CEMIP2: variants seen among roughly 807,000 people sequenced by gnomAD.
The protein encoded by CEMIP2 is cell migration inducing hyaluronidase 2.
In CEMIP2, 79 loss-of-function variants were observed where a neutral mutation model predicts 146.9. That is an observed-to-expected ratio of 0.54 (90% CI 0.45 to 0.65). CEMIP2 has a LOEUF of 0.65. CEMIP2 is among the 30% of genes least tolerant of loss of function. The pLI, the probability that CEMIP2 is intolerant of heterozygous loss-of-function variation, is 0.00. For synonymous variants in CEMIP2, 601 were observed against 606.3 expected (o/e 0.99, Z 0.13); for missense variants, 1,596 against 1,696.2 (o/e 0.94, Z 1.04).
intron 2 of CEMIP2, among the ~76,000 whole-genome samples, chr9:71,748,104 C>T (rs889294796): frequency 2.0e-5 from 3 of 152,128 alleles, no homozygotes; most frequent in African/African-American, 7.2e-5. Flanking sequence ...GCACTGTACC[C>T]AGCTATAAAG....
chr9:71,740,926 A>T lies in CEMIP2; in HGVS notation c.1035-694T>A, dbSNP rs538819403. On this transcript the variant is annotated intron_variant, in intron 4 of 23. Transcript: ENST00000377044. ...ATTAGATTGCTGGCCCCACTCTCTCAGTTTCTGAGATGGGACCAGAGAATT... is the reference window on the plus strand; with the variant it reads ...ATTAGATTGCTGGCCCCACTCTCTCTGTTTCTGAGATGGGACCAGAGAATT... Among the ~76,000 whole-genome samples, 16 of 152,262 alleles carry T rather than the reference A, an allele frequency of 1.1e-4. No homozygotes were observed. The South Asian group carries it at 2.9e-3, about 28-fold the overall frequency.
At chr9:71,762,779 G>A (rs1824675288) in intron 1 of CEMIP2, among the ~76,000 whole-genome samples, 1 of 152,160 alleles carries the variant, frequency 6.6e-6, no homozygotes, top group Non-Finnish European at 1.5e-5. Flanking sequence ...AGGAGACTGA[G>A]GTGGGAGGAT....
chr9:71,735,018 A>C (rs1564016868), intron 5 of CEMIP2, 24 bp from the exon 6 acceptor site: 15 of 1,571,410 alleles, frequency 9.5e-6, no homozygotes, highest in Non-Finnish European at 1.3e-5. Context: ...AAAAAAAAGA[A>C]AAAGAAAGTG....
chr9:71,701,914 C>CT (rs1299675320), intron 18 of CEMIP2, among the ~76,000 whole-genome samples: 2 of 152,110 alleles, frequency 1.3e-5, no homozygotes, highest in Non-Finnish European at 2.9e-5. Flanking sequence ...ATTTCCCAAA[C>CT]TTTTTTGTCA....
In CEMIP2 at chr9:71,702,261, G is replaced by GA. The variant is rs67059194; in HGVS notation, c.3195-1438dup. ...CAACAGAGCAAGATGTTGTCTCAAG[G>GA]AAAAAAAAAAAAAAAAAAATATTGT... On this transcript the variant is annotated intron_variant, in intron 18 of 23. Coordinates refer to ENST00000377044, the MANE Select transcript of CEMIP2 (RefSeq NM_013390.3). 7.8e-3 allele frequency among the ~76,000 whole-genome samples: 829 copies of GA among 106,144 alleles called. 1 individual carries two copies. The highest frequency in any genetic ancestry group is 0.032 in the Middle Eastern group (6 of 190). 69.6% of individuals were successfully genotyped at this position (106,144 alleles called of 152,430 possible). A position where few individuals can be genotyped will look rare whatever the true frequency, so the allele number is the denominator to read the frequency against.
chr9:71,737,153 C>A, intron 5 of CEMIP2, among the ~76,000 whole-genome samples: 1 of 77,338 alleles, frequency 1.3e-5, no homozygotes, highest in African/African-American at 4.2e-5. Flanking sequence ...TAAGATCTTT[C>A]TCAAAAAAAA....
intron 10 of CEMIP2, among the ~76,000 whole-genome samples, chr9:71,727,789 G>A (rs1028144291): frequency 6.6e-6 from 1 of 152,138 alleles, no homozygotes; most frequent in Non-Finnish European, 1.5e-5. Context: ...GGATGGGTAC[G>A]GTGGCTCATG....
chr9:71,720,516 T>A (rs1294716108), intron 12 of CEMIP2, among the ~76,000 whole-genome samples: 1 of 152,194 alleles, frequency 6.6e-6, no homozygotes, highest in Admixed American at 6.5e-5. Flanking sequence ...GGTCTTGAAC[T>A]CCTGATCTCA....
chr9:71,708,515 C>G (rs1373464776), intron 17 of CEMIP2, among the ~76,000 whole-genome samples: 1 of 152,180 alleles, frequency 6.6e-6, no homozygotes, highest in Non-Finnish European at 1.5e-5. Flanking sequence ...AGTTAATTAA[C>G]TTTTCCAATG....
intron 4 of CEMIP2, among the ~76,000 whole-genome samples, chr9:71,744,209 T>C (rs748696666): frequency 6.6e-6 from 1 of 152,064 alleles, no homozygotes; most frequent in Non-Finnish European, 1.5e-5. Context: ...CCCCCTCAAC[T>C]ACAAAAAGTT....
chr9:71,685,398 A>AAC lies in CEMIP2; in HGVS notation c.3956-6_3956-5insGT. On this transcript the variant is annotated splice_region_variant and splice_polypyrimidine_tract_variant and intron_variant, in intron 23 of 23. Coordinates refer to ENST00000377044, the MANE Select transcript of CEMIP2 (RefSeq NM_013390.3). ...ATCCCAAAAATATGGTACTCCCTAA[A>AAC]AAAAAAAAAAAAAAAGAAAAAGAAA... 1 of 1,397,606 alleles carries AAC rather than the reference A, an allele frequency of 7.2e-7. No individual in the cohort carries two copies. Among genetic ancestry groups the AAC allele is most frequent in the Non-Finnish European group, 9.6e-7 (1 of 1,045,492 alleles). The allele number at this position is 1,397,606 out of a possible 1,614,324, so 86.6% of individuals were successfully genotyped here.
At position 71,712,202 on chromosome 9, in the gene CEMIP2, T is replaced by C. The variant is rs1350018506; in HGVS notation, c.2650A>G (p.Thr884Ala). The C allele has an allele frequency of 6.2e-7, 1 of 1,614,200 alleles. No homozygotes were observed. The highest frequency in any genetic ancestry group is 1.7e-5 in the Admixed American group (1 of 60,030). The change falls in exon 16 of 24, where the codon ACT (threonine) becomes GCT (alanine). Residue 884 changes from threonine to alanine, a missense_variant. Physicochemically the swap from Thr to Ala is moderately conservative, Grantham distance 58. Transcript: ENST00000377044. ...GGAGTTGGCACATATTTTTTGAAAG[T>C]GCTCCTTGTGAGATGAATGGGCCCA... ...YDGPIHLTRS[T>A]FKKYVPTPDR...
In CEMIP2 at chr9:71,709,873, T is replaced by A. The variant is rs1395242424; in HGVS notation, c.2770-399A>T. The stretch of plus-strand genomic sequence containing the variant: ...AAAATTATAAACTGTACATGTAAGA[T>A]CTGTGCATTTCCCTACATGTAAATT... On this transcript the variant is annotated intron_variant, in intron 16 of 23. Transcript: ENST00000377044. 2.6e-5 allele frequency among the ~76,000 whole-genome samples: 4 copies of A among 152,312 alleles called. No individual in the cohort carries two copies. In the East Asian group the frequency reaches 7.7e-4, roughly 29 times the overall value.
At chr9:71,737,089 A>G (rs1338167111) in intron 5 of CEMIP2, among the ~76,000 whole-genome samples, 1 of 150,670 alleles carries the variant, frequency 6.6e-6, no homozygotes, top group Non-Finnish European at 1.5e-5. Context: ...CCAGGAGGTC[A>G]AGGCTGCAGT....
chr9:71,739,400 C>CTT (rs544885586), intron 5 of CEMIP2, among the ~76,000 whole-genome samples: 8,421 of 98,074 alleles, frequency 0.086, 414 homozygotes, highest in South Asian at 0.23. Context: ...AAGATGACTA[C>CTT]TTTTTTTTTA....
chr9:71,719,725 C>G (rs145201582), intron 12 of CEMIP2, among the ~76,000 whole-genome samples: 1 of 149,634 alleles, frequency 6.7e-6, no homozygotes, highest in African/African-American at 2.4e-5. Context: ...AAGTTTGACT[C>G]TAAGCCAACA....
intron 10 of CEMIP2, 72 bp from the exon 11 acceptor site, chr9:71,725,781 A>C: frequency 6.8e-7 from 1 of 1,476,480 alleles, no homozygotes; most frequent in South Asian, 1.4e-5. Flanking sequence ...TCATAAACTA[A>C]CTTCTTCATC....
At position 71,732,358 on chromosome 9, in the gene CEMIP2, T is replaced by G; in HGVS notation, c.1556A>C (p.His519Pro). 1 of 1,607,834 alleles carries G rather than the reference T, an allele frequency of 6.2e-7. No homozygotes were observed. The highest frequency in any genetic ancestry group is 8.5e-7 in the Non-Finnish European group (1 of 1,178,186). Residue 519 changes from histidine to proline, a missense_variant, in exon 7 of 24, where the codon CAC becomes CCC. Coordinates refer to ENST00000377044, the MANE Select transcript of CEMIP2 (RefSeq NM_013390.3). The part of the protein sequence containing the change: ...QFFDYDTFGG[H>P]IMIMKNFTSV... ...TCAAATCCTTTTGCCTACCATAATG[T>G]GTCCCCCAAAGGTATCATAATCAAA...
intron 17 of CEMIP2, among the ~76,000 whole-genome samples, chr9:71,708,153 T>C (rs927099910): frequency 6.6e-6 from 1 of 152,146 alleles, no homozygotes; most frequent in African/African-American, 2.4e-5. Context: ...GCCACTGCAC[T>C]CCAGCCTGGG....
Sources: gnomAD v4.1 joint callset for allele counts (sites outside exome capture counted in the v4.1 genomes callset) on GRCh38, gnomAD v4.1.1 for gene constraint, MANE v1.5 for transcripts, NCBI Gene and HGNC (gene_info 2026-07-23, HGNC 2026-07-21) for gene names.